The following TCAIM variants were observed in gnomAD, a reference collection of about 807,000 sequenced individuals.
TCAIM encodes the protein T-cell activation inhibitor, mitochondrial.
TCAIM carries 36 observed loss-of-function variants against 58.6 expected under a neutral mutation model. The observed-to-expected ratio is 0.61, with a 90% CI of 0.47 to 0.81. The LOEUF (loss-of-function observed/expected upper bound fraction) is 0.81, where lower values mean the gene tolerates loss of function less well. Ranked by LOEUF, TCAIM falls within the 30% of genes least tolerant of loss-of-function variation. The probability of loss-of-function intolerance (pLI) is 0.00; values close to 1 mark genes in which losing one functional copy is unlikely to be tolerated. For missense variants in TCAIM, 466 were observed against 579.6 expected (o/e 0.80, Z 2.01); for synonymous variants, 172 against 193.6 (o/e 0.89, Z 0.93).
At chr3:44,361,314 A>G (rs577135292) in intron 3 of TCAIM, 51 bp from the exon 4 acceptor site, 1 of 1,464,944 alleles carries the variant, frequency 6.8e-7, no homozygotes, top group African/African-American at 1.4e-5. Flanking sequence ...ATCATTTCTG[A>G]TATTTCCTTG....
intron 5 of TCAIM, among the ~76,000 whole-genome samples, chr3:44,378,448 A>G (rs1388743899): frequency 6.6e-6 from 1 of 152,042 alleles, no homozygotes; most frequent in African/African-American, 2.4e-5. Context: ...AGGCAAAGAC[A>G]TGAACAGACA....
chr3:44,345,191 A>G (rs1366885253), intron 1 of TCAIM, among the ~76,000 whole-genome samples: 1 of 152,164 alleles, frequency 6.6e-6, no homozygotes. Context: ...ATTAAGCTGA[A>G]GGAAGATTCT....
At chr3:44,404,792 A>G (rs1166120427) in intron 10 of TCAIM, among the ~76,000 whole-genome samples, 3 of 140,230 alleles carry the variant, frequency 2.1e-5, no homozygotes, top group Non-Finnish European at 3.1e-5. Flanking sequence ...GTGCAAAAGT[A>G]ATTGCAGTTT....
chr3:44,368,834 G>A (rs2125638394), intron 5 of TCAIM, among the ~76,000 whole-genome samples: 2 of 152,228 alleles, frequency 1.3e-5, no homozygotes, highest in East Asian at 3.9e-4. Flanking sequence ...ACCAGCCTGA[G>A]CAACATAGTG....
chr3:44,385,506 C>A (rs1701724471), intron 5 of TCAIM, among the ~76,000 whole-genome samples: 1 of 152,086 alleles, frequency 6.6e-6, no homozygotes, highest in Non-Finnish European at 1.5e-5. Context: ...CTTTGGGAGG[C>A]CGAGGTGGGC....
At chr3:44,348,147 C>T (rs1351829260) in intron 1 of TCAIM, among the ~76,000 whole-genome samples, 1 of 152,088 alleles carries the variant, frequency 6.6e-6, no homozygotes, top group African/African-American at 2.4e-5. Flanking sequence ...GGAAACAGGC[C>T]CTTGAAAAGA....
At chr3:44,395,442 A>G (rs1053449046) in intron 6 of TCAIM, among the ~76,000 whole-genome samples, 3 of 152,164 alleles carry the variant, frequency 2.0e-5, no homozygotes, top group African/African-American at 7.2e-5. Context: ...TCACTTTGCA[A>G]GCATGAAAGT....
rs998883869 is a variant in TCAIM, at chr3:44,367,696, A to C, written c.560A>C (p.Glu187Ala). 6.2e-7 allele frequency: 1 copy of C among 1,610,220 alleles called. No homozygotes were observed. Among genetic ancestry groups the C allele is most frequent in the Non-Finnish European group, 8.5e-7 (1 of 1,177,248 alleles). Residue 187 changes from glutamate (E) to alanine (A), a missense_variant, in exon 5 of 11, where the codon GAA becomes GCA. Glu to Ala is a moderately radical substitution (Grantham distance 107). Coordinates refer to ENST00000342649, the MANE Select transcript of TCAIM (RefSeq NM_173826.4). Reference protein sequence around the residue: ...DEDLEQVSRVETTLTSWLDNN... With the variant: ...DEDLEQVSRVATTLTSWLDNN... ...GACCTTGAACAAGTCTCGAGAGTGGAAACAACTCTCACGTATGTAAAAGTT... is the reference window on the plus strand; with the variant it reads ...GACCTTGAACAAGTCTCGAGAGTGGCAACAACTCTCACGTATGTAAAAGTT...
intron 5 of TCAIM, among the ~76,000 whole-genome samples, chr3:44,373,245 A>G (rs1360746141): frequency 6.6e-6 from 1 of 152,166 alleles, no homozygotes; most frequent in Non-Finnish European, 1.5e-5. Flanking sequence ...ACCCACTTTT[A>G]TATTATATCC....
chr3:44,348,552 T>C (rs1206530947), intron 1 of TCAIM, among the ~76,000 whole-genome samples: 2 of 152,220 alleles, frequency 1.3e-5, no homozygotes, highest in African/African-American at 4.8e-5. Context: ...GAAGTTCTTG[T>C]GTGCTGGAGA....
At chr3:44,369,166 G>A (rs554820251) in intron 5 of TCAIM, among the ~76,000 whole-genome samples, 1 of 152,300 alleles carries the variant, frequency 6.6e-6, no homozygotes, top group South Asian at 2.1e-4. Context: ...AGATTTCTCT[G>A]AGCACAAACT....
chr3:44,354,253 C>CTA (rs1437083428), intron 1 of TCAIM, among the ~76,000 whole-genome samples: 26 of 152,222 alleles, frequency 1.7e-4, no homozygotes, highest in Non-Finnish European at 1.5e-5. Flanking sequence ...TCTGGGCTCT[C>CTA]TATTCTGTTT....
At chr3:44,374,701 C>T (rs1373517955) in intron 5 of TCAIM, among the ~76,000 whole-genome samples, 1 of 152,068 alleles carries the variant, frequency 6.6e-6, no homozygotes, top group Non-Finnish European at 1.5e-5. Context: ...GTCTAGGCTG[C>T]AGTGATCCAT....
At chr3:44,338,711 C>A (rs569001444), upstream of TCAIM, 1 of 152,320 alleles carries the variant, frequency 6.6e-6, no homozygotes, top group Non-Finnish European at 1.5e-5. Flanking sequence ...GGCCAGCTGA[C>A]GCCCCAGTGC....
At position 44,340,744 on chromosome 3, in the gene TCAIM, A is replaced by G. The variant is rs1380065920; in HGVS notation, c.-45+1910A>G. On this transcript the variant is annotated intron_variant, in intron 1 of 10. Transcript: ENST00000342649. ...ACAGTGTGTTAAAACAGATTCCTCC[A>G]TCCCACCCAGATTCTGATTCTGCAG... The G allele has an allele frequency of 2.0e-5, 3 of 152,164 alleles. No individual in the cohort carries two copies. The East Asian group carries it at 5.8e-4, about 29-fold the overall frequency. The allele number at this position is 152,164 out of a possible 1,614,324, so 9.4% of individuals were successfully genotyped here. A position where few individuals can be genotyped will look rare whatever the true frequency, so the allele number is the denominator to read the frequency against.
At chr3:44,367,908 T>C in intron 5 of TCAIM, 200 bp downstream of exon 5, 1 of 512,866 alleles carries the variant, frequency 1.9e-6, no homozygotes, top group Non-Finnish European at 3.3e-6. Flanking sequence ...TCATGTTTCT[T>C]ACTTAAAGCT....
At chr3:44,390,302 C>G (rs374495126) in intron 5 of TCAIM, among the ~76,000 whole-genome samples, 1 of 152,234 alleles carries the variant, frequency 6.6e-6, no homozygotes. Flanking sequence ...ACCTAGCACT[C>G]GCTTCAGCAG....
At chr3:44,386,024 T>C (rs1053238907) in intron 5 of TCAIM, among the ~76,000 whole-genome samples, 1 of 151,834 alleles carries the variant, frequency 6.6e-6, no homozygotes, top group African/African-American at 2.4e-5. Context: ...TTAATTTTAA[T>C]TTTGACATAA....
chr3:44,372,595 T>C (rs1455263858), intron 5 of TCAIM, among the ~76,000 whole-genome samples: 1 of 151,898 alleles, frequency 6.6e-6, no homozygotes, highest in African/African-American at 2.4e-5. Context: ...TTCTTTTTTT[T>C]TTTTTTCTTT....
Sources: gnomAD v4.1 joint callset for allele counts (sites outside exome capture counted in the v4.1 genomes callset) on GRCh38, gnomAD v4.1.1 for gene constraint, MANE v1.5 for transcripts, NCBI Gene and HGNC (gene_info 2026-07-23, HGNC 2026-07-21) for gene names.